Variants in CHD2 observed in about 807,000 individuals in gnomAD.
The protein encoded by CHD2 is ATP-dependent chromatin remodeler CHD2.
In CHD2, 28 loss-of-function variants were observed where a neutral mutation model predicts 243.9. The ratio of observed to expected loss-of-function variants is 0.11; its 90% CI spans 0.09 to 0.16. The LOEUF is 0.16. Among genes scored for constraint, CHD2 ranks in the 10% least tolerant of loss-of-function variants. The probability of loss-of-function intolerance (pLI) is 1.00; values close to 1 mark genes in which losing one functional copy is unlikely to be tolerated. For missense variants in CHD2, 1,386 were observed against 2,209.8 expected (o/e 0.63, Z 7.47); for synonymous variants, 775 against 779.0 (o/e 0.99, Z 0.09).
At chr15:92,905,011 C>T (rs1001698144) in intron 2 of CHD2, 1 of 1,533,634 alleles carries the variant, frequency 6.5e-7, no homozygotes, top group Non-Finnish European at 8.7e-7. Flanking sequence ...AAACTCAGGT[C>T]AGTATGTGCT....
At chr15:92,903,539 T>C (rs898009373) in intron 2 of CHD2, among the ~76,000 whole-genome samples, 5 of 152,310 alleles carry the variant, frequency 3.3e-5, no homozygotes, top group South Asian at 2.1e-4. Context: ...AAGTCTGTTA[T>C]ACTTTATCAC....
At chr15:92,942,044 A>T (rs762518354) in intron 8 of CHD2, 89 bp downstream of exon 8, 16 of 1,247,224 alleles carry the variant, frequency 1.3e-5, no homozygotes, top group Non-Finnish European at 1.7e-5. Context: ...GATGAATTTT[A>T]GTCTACTGCT....
At chr15:92,923,799 C>T (rs184950064) in intron 2 of CHD2, among the ~76,000 whole-genome samples, 74 of 152,006 alleles carry the variant, frequency 4.9e-4, no homozygotes, top group African/African-American at 1.7e-3. Flanking sequence ...CTCCTGACCT[C>T]GTGATCCGCC....
intron 24 of CHD2, among the ~76,000 whole-genome samples, chr15:92,983,032 C>T (rs1219188403): frequency 6.6e-6 from 1 of 152,090 alleles, no homozygotes; most frequent in Non-Finnish European, 1.5e-5. Flanking sequence ...GCTGACTTTT[C>T]TTATCTTCCC....
At position 92,917,632 on chromosome 15, in the gene CHD2, CAT is replaced by C. The variant is rs1308424101; in HGVS notation, c.63-6687_63-6686del. On this transcript the variant is annotated intron_variant, in intron 2 of 38. Transcript: ENST00000394196. ...TTCTTTGCTTTTCCATCTTAAGACA[CAT>C]AGAAGTGACTGAGAAGGAATAGTTA... Among the ~76,000 whole-genome samples, 11 of 152,286 alleles carry C rather than the reference CAT, an allele frequency of 7.2e-5. No homozygotes were observed. The Middle Eastern group carries it at 0.01, about 141-fold the overall frequency.
chr15:92,998,597 G>T lies in CHD2; in HGVS notation c.3984G>T (p.Lys1328Asn). 1.2e-6 allele frequency: 2 copies of T among 1,613,008 alleles called. No homozygotes were observed. Among genetic ancestry groups the T allele is most frequent in the Non-Finnish European group, 1.7e-6 (2 of 1,179,942 alleles). Residue 1328 changes from lysine to asparagine, a missense_variant, in exon 31 of 39, where the codon AAG (lysine) becomes AAT (asparagine). Physicochemically the swap from Lys to Asn is moderately conservative, Grantham distance 94. Transcript: ENST00000394196. The surrounding 1 kb of genome is among the most constrained non-coding windows in gnomAD (Gnocchi z 5.1). ...LKLLRKGLEKKGAVTGGEEAK... is the reference protein window; with the variant it reads ...LKLLRKGLEKNGAVTGGEEAK... Reference sequence around the variant, plus strand: ...TGCTCAGAAAGGGTCTGGAGAAGAAGGGGGCTGTGACAGGTGGGGAAGAGG... The same window carrying T: ...TGCTCAGAAAGGGTCTGGAGAAGAATGGGGCTGTGACAGGTGGGGAAGAGG...
chr15:92,958,666 A>T (rs146195220), intron 16 of CHD2, among the ~76,000 whole-genome samples: 1 of 152,218 alleles, frequency 6.6e-6, no homozygotes, highest in Admixed American at 6.5e-5. Context: ...CCAACTTTCT[A>T]TAGTTTGATG....
At chr15:92,981,575 T>C in intron 24 of CHD2, 118 bp downstream of exon 24, 1 of 688,908 alleles carries the variant, frequency 1.5e-6, no homozygotes. Context: ...AATTGAGTCA[T>C]ATCCTCAATA....
intron 31 of CHD2, among the ~76,000 whole-genome samples, chr15:92,999,074 A>AC (rs2054220333): frequency 8.6e-6 from 1 of 116,778 alleles, no homozygotes; most frequent in Non-Finnish European, 1.7e-5. Flanking sequence ...ACAGAGCGAG[A>AC]CTCCGTCTCA....
chr15:92,965,565 CAAAA>C lies in CHD2; in HGVS notation c.2001-1733_2001-1730del, dbSNP rs61447848. Among the ~76,000 whole-genome samples, 697 of 110,916 alleles carry C rather than the reference CAAAA, an allele frequency of 6.3e-3. 4 individuals carry two copies. The highest frequency in any genetic ancestry group is 0.028 in the African/African-American group (632 of 22,324). 72.8% of individuals were successfully genotyped at this position (110,916 alleles called of 152,430 possible). On this transcript the variant is annotated intron_variant, in intron 16 of 38. Transcript: ENST00000394196. Reference sequence around the variant, plus strand: ...GGCGACAGAGCCGAGACTCTTTCTCCAAAAAAAAAAAAAAAAAAAAAAAAAAAAA... The same window carrying C: ...GGCGACAGAGCCGAGACTCTTTCTCCAAAAAAAAAAAAAAAAAAAAAAAAA...
intron 16 of CHD2, among the ~76,000 whole-genome samples, chr15:92,960,868 C>T (rs534953566): frequency 6.6e-6 from 1 of 151,972 alleles, no homozygotes; most frequent in South Asian, 2.1e-4. Flanking sequence ...GCATGCACCA[C>T]CATGCCCGGC....
At chr15:93,000,306 G>GTA (rs1399534790) in intron 31 of CHD2, among the ~76,000 whole-genome samples, 1 of 152,120 alleles carries the variant, frequency 6.6e-6, no homozygotes, top group Admixed American at 6.5e-5. Context: ...TTTTAATGTG[G>GTA]TATAGGCCAT....
In CHD2 at chr15:92,935,055, G is replaced by A. The variant is rs1241645820; in HGVS notation, c.444-2463G>A. 3.7e-5 allele frequency among the ~76,000 whole-genome samples: 5 copies of A among 136,920 alleles called. No individual in the cohort carries two copies. The Admixed American group carries it at 3.9e-4, about 11-fold the overall frequency. The allele number at this position is 136,920 out of a possible 152,430, so 89.8% of individuals were successfully genotyped here. A position where few individuals can be genotyped will look rare whatever the true frequency, so the allele number is the denominator to read the frequency against. On this transcript the variant is annotated intron_variant, in intron 5 of 38. Transcript: ENST00000394196. ...CTTTCTTTCTTTTTTTTTTTTTTGA[G>A]AACAGAGTCTCGCTTTGTCACCTAG...
chr15:92,955,299 T>C (rs1360417056), intron 14 of CHD2, 124 bp from the exon 15 acceptor site: 1 of 557,698 alleles, frequency 1.8e-6, no homozygotes, highest in Non-Finnish European at 3.0e-6. Flanking sequence ...ATGTGAGATA[T>C]TCATTGAATT....
chr15:92,960,356 G>A lies in CHD2; in HGVS notation c.2000+3707G>A, dbSNP rs373219641. Among the ~76,000 whole-genome samples the A allele has an allele frequency of 3.1e-4, 47 of 152,288 alleles. No individual in the cohort carries two copies. In the East Asian group the frequency reaches 8.5e-3, roughly 27 times the overall value. On this transcript the variant is annotated intron_variant, in intron 16 of 38. Transcript: ENST00000394196. ...TTCTTCTTGCCTTATTGTATTGGCA[G>A]GAACCTCCATCTTAAATAGAAATGG...
At chr15:92,917,197 C>G (rs965411403) in intron 2 of CHD2, among the ~76,000 whole-genome samples, 8 of 152,164 alleles carry the variant, frequency 5.3e-5, no homozygotes, top group Non-Finnish European at 1.0e-4. Context: ...ATAACTTATT[C>G]TGAAGAAGCA....
chr15:93,019,480 G>A (rs901195462), intron 37 of CHD2, among the ~76,000 whole-genome samples: 2 of 152,126 alleles, frequency 1.3e-5, no homozygotes, highest in Non-Finnish European at 2.9e-5. Flanking sequence ...TTACTGATAC[G>A]TTAGCCAGCA....
intron 7 of CHD2, among the ~76,000 whole-genome samples, chr15:92,940,873 TAC>T (rs1301222199): frequency 9.4e-6 from 1 of 106,236 alleles, no homozygotes; most frequent in Non-Finnish European, 2.0e-5. Flanking sequence ...TATAAAAATA[TAC>T]ATATAAATAT....
chr15:93,001,223 C>T (rs541782865), intron 32 of CHD2, among the ~76,000 whole-genome samples: 8 of 152,194 alleles, frequency 5.3e-5, no homozygotes, highest in East Asian at 3.9e-4. Flanking sequence ...TTGCAAATGA[C>T]GGGGAGTGGT....
Sources: gnomAD v4.1 joint callset for allele counts (sites outside exome capture counted in the v4.1 genomes callset) on GRCh38, gnomAD v4.1.1 for gene constraint, Gnocchi (gnomAD v3.1) non-coding constraint, MANE v1.5 for transcripts, NCBI Gene and HGNC (gene_info 2026-07-23, HGNC 2026-07-21) for gene names.